ASPDH: variants seen among roughly 807,000 people sequenced by gnomAD.
The protein encoded by ASPDH is aspartate dehydrogenase domain containing, also known as aspartate dehydrogenase domain-containing protein.
Under a neutral mutation model 30.5 loss-of-function variants are expected in ASPDH, and 25 were observed. The ratio of observed to expected loss-of-function variants is 0.82; its 90% CI spans 0.60 to 1.14. The LOEUF (loss-of-function observed/expected upper bound fraction) is 1.14, where lower values mean the gene tolerates loss of function less well. ASPDH is among the 50% of genes most tolerant of loss of function. The pLI is 0.00. For missense variants in ASPDH, 401 were observed against 381.5 expected (o/e 1.05, Z -0.43); for synonymous variants, 168 against 156.3 (o/e 1.07, Z -0.56).
At chr19:50,514,472 G>C, upstream of ASPDH, 1 of 1,614,104 alleles carries the variant, frequency 6.2e-7, no homozygotes, top group Non-Finnish European at 8.5e-7. Context: ...TCATCCTTCA[G>C]TTCACCTTGA....
upstream of ASPDH, chr19:50,514,577 C>T: frequency 6.8e-6 from 11 of 1,613,134 alleles, no homozygotes; most frequent in Admixed American, 1.7e-5. Context: ...CCCCAGCTCG[C>T]GTCAGCCCAG....
Position 50,512,687 on chromosome 19 carries a change from T to C in ASPDH, c.406A>G (p.Arg136Gly). 6.5e-7 allele frequency: 1 copy of C among 1,549,560 alleles called. No homozygotes were observed. The highest frequency in any genetic ancestry group is 8.7e-7 in the Non-Finnish European group (1 of 1,146,558). Reference protein sequence around the residue: ...GALWGAEDIRRLDAAGGLRSL... With the variant: ...GALWGAEDIRGLDAAGGLRSL... Reference sequence around the variant, plus strand: ...CGGAGGCCCCCAGCTGCATCCAATCTCCTGATGTCCTCAGCGCCCCACAGG... The same window carrying C: ...CGGAGGCCCCCAGCTGCATCCAATCCCCTGATGTCCTCAGCGCCCCACAGG... Residue 136 changes from arginine to glycine, a missense_variant, in exon 4 of 7, where the codon AGA becomes GGA. Coordinates refer to ENST00000389208, the MANE Select transcript of ASPDH (RefSeq NM_001114598.2).
In ASPDH at chr19:50,513,509, A is replaced by G; in HGVS notation, c.53-93T>C. 1.5e-6 allele frequency: 2 copies of G among 1,312,218 alleles called. No individual in the cohort carries two copies. The highest frequency in any genetic ancestry group is 2.0e-6 in the Non-Finnish European group (2 of 981,462). The allele number at this position is 1,312,218 out of a possible 1,614,324, so 81.3% of individuals were successfully genotyped here. On this transcript the variant is annotated intron_variant, in intron 1 of 6. Coordinates refer to ENST00000389208, the MANE Select transcript of ASPDH (RefSeq NM_001114598.2). The surrounding 1 kb of genome is among the most constrained non-coding windows in gnomAD (Gnocchi z 4.9). ...GGTGGGGACAGAGACCCAGAGAGAG[A>G]GGAGGTGGGGACAGACTCAGATTGC...
At chr19:50,512,615 T>C in intron 4 of ASPDH, 35 bp from the exon 5 acceptor site, 1 of 1,507,730 alleles carries the variant, frequency 6.6e-7, no homozygotes, top group Non-Finnish European at 8.9e-7. Flanking sequence ...GGGAGTGGGG[T>C]CTTTGCAGGC....
chr19:50,512,073 C>T, intron 6 of ASPDH, 63 bp downstream of exon 6: 3 of 1,377,836 alleles, frequency 2.2e-6, no homozygotes, highest in Non-Finnish European at 2.9e-6. Context: ...AGTGAGAGCC[C>T]GGGACCCCCA....
In ASPDH at chr19:50,513,833, T is replaced by C. The variant is rs1321378825; in HGVS notation, c.-10A>G. ...GGCCCCTGTCGGCCATGGCCCTGAG[T>C]GCGGTGTCTGGGGCCTGGCTCCCTG... On this transcript the variant is annotated 5_prime_UTR_variant, in exon 1 of 7. Transcript: ENST00000389208. This position sits in a 1 kb window ranked among gnomAD's most constrained non-coding sequence, Gnocchi z 4.9. 6.5e-7 allele frequency: 1 copy of C among 1,549,336 alleles called. No individual in the cohort carries two copies. The highest frequency in any genetic ancestry group is 1.2e-5 in the South Asian group (1 of 83,894).
At chr19:50,511,949 G>GACACA in intron 6 of ASPDH, 176 bp from the exon 7 acceptor site, 2 of 699,904 alleles carry the variant, frequency 2.9e-6, no homozygotes, top group East Asian at 2.8e-5. Flanking sequence ...ATCAGAGGCG[G>GACACA]GCACAAATGG....
rs561654568 is a variant in ASPDH at position 50,513,159 on chromosome 19, T to G, written c.197+113A>C. 7 of 1,281,954 alleles carry G rather than the reference T, an allele frequency of 5.5e-6. No individual in the cohort carries two copies. The South Asian group carries it at 1.1e-4, about 20-fold the overall frequency. 79.4% of individuals were successfully genotyped at this position (1,281,954 alleles called of 1,614,324 possible). On this transcript the variant is annotated intron_variant, in intron 2 of 6. Transcript: ENST00000389208. The surrounding 1 kb of genome is among the most constrained non-coding windows in gnomAD (Gnocchi z 4.9). ...GAATGGGTTCGTCCTGTTTCACATT[T>G]GCTTGAACCAAGGCCCAGAGAGGGT...
upstream of ASPDH, chr19:50,513,969 G>T: frequency 1.0e-6 from 1 of 995,222 alleles, no homozygotes; most frequent in Non-Finnish European, 1.4e-6. This position sits in a 1 kb window ranked among gnomAD's most constrained non-coding sequence, Gnocchi z 4.9. Context: ...CAGCGTGGGG[G>T]CGTGGGCCTG....
chr19:50,513,442 A>G lies in ASPDH; in HGVS notation c.53-26T>C. ...CTGGGGAGAGGGAAAGGAGAGGGCTAGAGATCCAGAGAGAGGGGGACAGAG... is the reference window on the plus strand; with the variant it reads ...CTGGGGAGAGGGAAAGGAGAGGGCTGGAGATCCAGAGAGAGGGGGACAGAG... On this transcript the variant is annotated intron_variant, in intron 1 of 6. Transcript: ENST00000389208. The surrounding 1 kb of genome is among the most constrained non-coding windows in gnomAD (Gnocchi z 4.9). 5 of 1,459,086 alleles carry G rather than the reference A, an allele frequency of 3.4e-6. No homozygotes were observed. Among genetic ancestry groups the G allele is most frequent in the Non-Finnish European group, 4.5e-6 (5 of 1,103,098 alleles). The allele number at this position is 1,459,086 out of a possible 1,614,324, so 90.4% of individuals were successfully genotyped here.
chr19:50,514,429 TC>T, upstream of ASPDH: 1 of 1,612,988 alleles, frequency 6.2e-7, no homozygotes, highest in Non-Finnish European at 8.5e-7. Flanking sequence ...TCCCACAGCC[TC>T]CGCCCCTGTC....
At chr19:50,511,806 G>C in intron 6 of ASPDH, 33 bp from the exon 7 acceptor site, 1 of 1,332,006 alleles carries the variant, frequency 7.5e-7, no homozygotes. Context: ...GAATGAGACA[G>C]AGGAGAGATG....
chr19:50,513,952 G>A (rs1184561355), upstream of ASPDH: 6 of 1,226,408 alleles, frequency 4.9e-6, no homozygotes, highest in South Asian at 1.6e-5. This position sits in a 1 kb window ranked among gnomAD's most constrained non-coding sequence, Gnocchi z 4.9. Context: ...CCCCTTCCCC[G>A]CAGGCCCAGC....
upstream of ASPDH, chr19:50,515,036 G>C: frequency 1.0e-6 from 1 of 985,268 alleles, no homozygotes. Flanking sequence ...TCACGGAAGT[G>C]GGGGGCCTCC....
upstream of ASPDH, chr19:50,514,813 G>GGT: frequency 8.3e-7 from 1 of 1,211,764 alleles, no homozygotes; most frequent in Non-Finnish European, 1.1e-6. Flanking sequence ...GGTGGGGGGG[G>GGT]CGGGCACTGG....
At chr19:50,511,916 GGACAGA>G in intron 6 of ASPDH, 143 bp from the exon 7 acceptor site, 1 of 544,826 alleles carries the variant, frequency 1.8e-6, no homozygotes. Flanking sequence ...CCCTGGGGGT[GGACAGA>G]GACAGAGAGA....
Position 50,513,866 on chromosome 19 carries a change from CGCTGCCCGCTGCACAAGGCCTGG to C in ASPDH, c.-66_-44del. The C allele has an allele frequency of 6.5e-7, 1 of 1,540,124 alleles. No individual in the cohort carries two copies. The highest frequency in any genetic ancestry group is 8.8e-7 in the Non-Finnish European group (1 of 1,142,202). On this transcript the variant is annotated 5_prime_UTR_variant, in exon 1 of 7. Coordinates refer to ENST00000389208, the MANE Select transcript of ASPDH (RefSeq NM_001114598.2). The surrounding 1 kb of genome is among the most constrained non-coding windows in gnomAD (Gnocchi z 4.9). ...CTGGGGCCTGGCTCCCTGGGCTGCTCGCTGCCCGCTGCACAAGGCCTGGGCAGCCGCTGCTCTTTGGACATCTG... is the reference window on the plus strand; with the variant it reads ...CTGGGGCCTGGCTCCCTGGGCTGCTCGCAGCCGCTGCTCTTTGGACATCTG...
In ASPDH at chr19:50,512,429, G is replaced by A; in HGVS notation, c.584C>T (p.Ala195Val). ...PFAPRNSNTM[A>V]AAALAAPSLG... ...GCTGGGGGCAGCCAGGGCAGCCGCC[G>A]CCATGGTGTTGGAATTTCGCGGGGC... Residue 195 changes from alanine (A) to valine (V), a missense_variant, in exon 5 of 7, where the codon GCG (alanine) becomes GTG (valine). Physicochemically the swap from Ala to Val is moderately conservative, Grantham distance 64. Coordinates refer to ENST00000389208, the MANE Select transcript of ASPDH (RefSeq NM_001114598.2). 1.2e-6 allele frequency: 2 copies of A among 1,612,272 alleles called. No homozygotes were observed. The highest frequency in any genetic ancestry group is 1.7e-5 in the Admixed American group (1 of 59,772).
chr19:50,511,891 G>C (rs944525289), intron 6 of ASPDH, 118 bp from the exon 7 acceptor site: 1 of 802,930 alleles, frequency 1.2e-6, no homozygotes, highest in African/African-American at 1.8e-5. Flanking sequence ...AAGACCCGGA[G>C]AGAGCGGGAC....
Sources: gnomAD v4.1 joint callset for allele counts on GRCh38, gnomAD v4.1.1 for gene constraint, Gnocchi (gnomAD v3.1) non-coding constraint, MANE v1.5 for transcripts, NCBI Gene and HGNC (gene_info 2026-07-23, HGNC 2026-07-21) for gene names.